Variants in EIF5 observed in about 807,000 individuals in gnomAD.
EIF5 encodes the protein eukaryotic translation initiation factor 5.
A neutral mutation model predicts 48.3 loss-of-function variants in EIF5; 10 were observed. The observed-to-expected ratio is 0.21, with a 90% CI of 0.13 to 0.35. EIF5 has a LOEUF of 0.35. EIF5 is among the 10% of genes least tolerant of loss of function. EIF5 has a pLI of 1.00. For missense variants in EIF5, 397 were observed against 533.2 expected, an observed-to-expected ratio of 0.74 and a Z score of 2.51; for synonymous variants, 237 against 173.1, an observed-to-expected ratio of 1.37 and a Z score of -2.90.
rs1030322883 is a variant in EIF5, at chr14:103,342,353, A to T, written c.*1301A>T. 2.6e-5 allele frequency: 4 copies of T among 152,190 alleles called. No individual in the cohort carries two copies. The highest frequency in any genetic ancestry group is 9.7e-5 in the African/African-American group (4 of 41,442). 9.4% of individuals were successfully genotyped at this position (152,190 alleles called of 1,614,324 possible). ...TTTAGATTTGGACACACAAGAGTTG[A>T]TAACTTCCTCATGAACTCCTTGCCT... On this transcript the variant is annotated 3_prime_UTR_variant, in exon 12 of 12. Transcript: ENST00000216554.
chr14:103,340,576 A>AGGAG lies in EIF5; in HGVS notation c.1206+18_1206+21dup, dbSNP rs2140362749. 4 of 1,605,834 alleles carry AGGAG rather than the reference A, an allele frequency of 2.5e-6. No individual in the cohort carries two copies. The East Asian group carries it at 9.0e-5, about 36-fold the overall frequency. On this transcript the variant is annotated intron_variant, in intron 11 of 11. Coordinates refer to ENST00000216554, the MANE Select transcript of EIF5 (RefSeq NM_001969.5). ...AGAACATTGAGGTAAACATTGGGGG[A>AGGAG]GGAGGGTATTGGATACAGTGCTGGC...
chr14:103,336,927 G>C (rs2089293770), intron 5 of EIF5, 78 bp downstream of exon 5: 1 of 1,490,558 alleles, frequency 6.7e-7, no homozygotes, highest in Non-Finnish European at 9.0e-7. Context: ...TTCCTGAGAA[G>C]GCAGAGCAAA....
intron 4 of EIF5, 138 bp from the exon 5 acceptor site, chr14:103,336,539 C>G: frequency 2.2e-6 from 2 of 908,272 alleles, no homozygotes; most frequent in African/African-American, 3.4e-5. Flanking sequence ...TGAGACCACG[C>G]CGTTGCACTC....
At position 103,334,271 on chromosome 14, in the gene EIF5, T is replaced by C. The variant is rs906345140; in HGVS notation, c.-418+11T>C. On this transcript the variant is annotated intron_variant, in intron 1 of 11. Coordinates refer to ENST00000216554, the MANE Select transcript of EIF5 (RefSeq NM_001969.5). Reference sequence around the variant, plus strand: ...GAGAACATTCCAGAGGTGAGTCCGGTGAAGGGGCGGCCCCCTGCCCGGTGC... The same window carrying C: ...GAGAACATTCCAGAGGTGAGTCCGGCGAAGGGGCGGCCCCCTGCCCGGTGC... The C allele has an allele frequency of 3.3e-5, 5 of 152,090 alleles. No homozygotes were observed. The highest frequency in any genetic ancestry group is 9.7e-5 in the African/African-American group (4 of 41,324). 9.4% of individuals were successfully genotyped at this position (152,090 alleles called of 1,614,324 possible). A position where few individuals can be genotyped will look rare whatever the true frequency, so the allele number is the denominator to read the frequency against.
chr14:103,336,679 C>A lies in EIF5; in HGVS notation c.157C>A (p.Pro53Thr). ...AAACTCCTTTTTCATTCAAATAGAT[C>A]CCACCAAATATTTTGGTTGTGAGCT... ...AKALNRPPTY[P>T]TKYFGCELGA... The change falls in exon 5 of 12, where the codon CCC becomes ACC. Residue 53 changes from proline (P) to threonine (T), a missense_variant and splice_region_variant. Physicochemically the swap from Pro to Thr is conservative, Grantham distance 38. This residue lies in a region of EIF5 where 108 missense variants were observed against 188.3 expected (regional missense o/e 0.57). Coordinates refer to ENST00000216554, the MANE Select transcript of EIF5 (RefSeq NM_001969.5). The A allele has an allele frequency of 1.2e-6, 2 of 1,605,748 alleles. No individual in the cohort carries two copies. The highest frequency in any genetic ancestry group is 1.3e-5 in the African/African-American group (1 of 74,430).
Position 103,337,465 on chromosome 14 carries a change from G to A in EIF5, c.439+238G>A, listed in dbSNP as rs116140612. The stretch of plus-strand genomic sequence containing the variant: ...AAAAACACAAAAACTAGCTTAGCAT[G>A]GTGGTGTGCTCCTGTAATCCCAGCT... On this transcript the variant is annotated intron_variant, in intron 6 of 11. Transcript: ENST00000216554. 3,306 of 490,846 alleles carry A rather than the reference G, an allele frequency of 6.7e-3. 91 individuals carry two copies. The highest frequency in any genetic ancestry group is 0.059 in the African/African-American group (3,002 of 50,858). The allele number at this position is 490,846 out of a possible 1,614,324, so 30.4% of individuals were successfully genotyped here.
Position 103,343,135 on chromosome 14 carries a change from A to T in EIF5, c.*2083A>T, listed in dbSNP as rs1311880508. 6.6e-6 allele frequency: 1 copy of T among 152,654 alleles called. No individual in the cohort carries two copies. The highest frequency in any genetic ancestry group is 2.4e-5 in the African/African-American group (1 of 41,460). The allele number at this position is 152,654 out of a possible 1,614,324, so 9.5% of individuals were successfully genotyped here. ...AACTGTCTTAAGGATTTGTTTAAAC[A>T]GCTAAGTTACTTGATTAAAATAATG... On this transcript the variant is annotated 3_prime_UTR_variant, in exon 12 of 12. Transcript: ENST00000216554.
chr14:103,336,179 G>A (rs1390542243), intron 4 of EIF5, 62 bp downstream of exon 4: 39 of 1,503,898 alleles, frequency 2.6e-5, no homozygotes, highest in Non-Finnish European at 3.5e-5. Flanking sequence ...AAGTCTTTGA[G>A]CTGCAAAACT....
Position 103,339,353 on chromosome 14 carries a change from T to C in EIF5, c.906+20T>C, listed in dbSNP as rs1156770771. 5 of 1,577,612 alleles carry C rather than the reference T, an allele frequency of 3.2e-6. No individual in the cohort carries two copies. Among genetic ancestry groups the C allele is most frequent in the Non-Finnish European group, 4.3e-6 (5 of 1,167,940 alleles). On this transcript the variant is annotated intron_variant, in intron 9 of 11. Transcript: ENST00000216554. Reference sequence around the variant, plus strand: ...CTACGAGTAAGCAAAGTGCTCTGGATTCATAAATGAGATTACAGTTGTGTG... The same window carrying C: ...CTACGAGTAAGCAAAGTGCTCTGGACTCATAAATGAGATTACAGTTGTGTG...
In EIF5 at chr14:103,336,868, G is replaced by C; in HGVS notation, c.327+19G>C. On this transcript the variant is annotated intron_variant, in intron 5 of 11. Transcript: ENST00000216554. ...AGATTTGGTAAGTGCTTTTGTGGTT[G>C]TCGAAAGAAAAAGCCATATACCTGC... 6.2e-7 allele frequency: 1 copy of C among 1,601,480 alleles called. No homozygotes were observed. The highest frequency in any genetic ancestry group is 8.5e-7 in the Non-Finnish European group (1 of 1,174,910).
chr14:103,335,072 G>C (rs1053854351), intron 2 of EIF5: 1 of 152,298 alleles, frequency 6.6e-6, no homozygotes, highest in African/African-American at 2.4e-5. Flanking sequence ...GGTTAACCGA[G>C]TATTTGAATA....
chr14:103,335,004 G>C (rs562348995), intron 2 of EIF5: 1 of 152,242 alleles, frequency 6.6e-6, no homozygotes, highest in East Asian at 1.9e-4. Flanking sequence ...GAGCTGCCCG[G>C]TTCGCCAGCC....
chr14:103,338,581 A>G, intron 7 of EIF5, 109 bp downstream of exon 7: 3 of 1,490,954 alleles, frequency 2.0e-6, no homozygotes, highest in Non-Finnish European at 1.8e-6. Context: ...GTAATACACT[A>G]ATATTGTGGA....
Position 103,336,659 on chromosome 14 carries a change from C to T in EIF5, c.155-18C>T, listed in dbSNP as rs1219134846. ...CTAGTTAACTGTAACGATCCAAACT[C>T]CTTTTTCATTCAAATAGATCCCACC... is the stretch of plus-strand genomic sequence containing the variant. On this transcript the variant is annotated intron_variant, in intron 4 of 11. Coordinates refer to ENST00000216554, the MANE Select transcript of EIF5 (RefSeq NM_001969.5). The T allele has an allele frequency of 3.8e-6, 6 of 1,594,468 alleles. No homozygotes were observed. Among genetic ancestry groups the T allele is most frequent in the South Asian group, 1.1e-5 (1 of 88,054 alleles).
intron 6 of EIF5, chr14:103,338,065 G>A: frequency 1.7e-6 from 1 of 588,296 alleles, no homozygotes. Flanking sequence ...CCTAGTGGAG[G>A]CATCATCACT....
intron 9 of EIF5, 27 bp downstream of exon 9, chr14:103,339,360 ATG>A: frequency 6.3e-7 from 1 of 1,575,154 alleles, no homozygotes; most frequent in Non-Finnish European, 8.6e-7. Flanking sequence ...GGATTCATAA[ATG>A]AGATTACAGT....
At chr14:103,338,696 T>C (rs765590186) in intron 7 of EIF5, 39 bp from the exon 8 acceptor site, 2 of 1,593,652 alleles carry the variant, frequency 1.3e-6, no homozygotes, top group African/African-American at 2.7e-5. Context: ...GTTGTTGTTT[T>C]TAAGGCCTTT....
Position 103,336,114 on chromosome 14 carries a change from A to G in EIF5, c.151A>G (p.Thr51Ala), listed in dbSNP as rs745702345. The change falls in exon 4 of 12, where the codon ACG becomes GCG. Residue 51 changes from threonine to alanine, a missense_variant. Around this residue, in one of 4 missense-constraint regions of EIF5, gnomAD observed 108 missense variants for 188.3 expected, o/e 0.57. Coordinates refer to ENST00000216554, the MANE Select transcript of EIF5 (RefSeq NM_001969.5). Reference protein sequence around the residue: ...DVAKALNRPPTYPTKYFGCEL... With the variant: ...DVAKALNRPPAYPTKYFGCEL... ...TGCAAAGGCGCTTAATCGGCCTCCA[A>G]CGTGTAAGTAAAGCTTGGAAAAGTC... The G allele has an allele frequency of 6.8e-6, 11 of 1,614,010 alleles. No individual in the cohort carries two copies. The East Asian group carries it at 1.3e-4, about 20-fold the overall frequency.
At chr14:103,339,561 A>G in intron 9 of EIF5, 78 bp from the exon 10 acceptor site, 3 of 1,596,904 alleles carry the variant, frequency 1.9e-6, no homozygotes, top group Non-Finnish European at 2.6e-6. Flanking sequence ...GCACTTGCAG[A>G]CACTCTTATT....
Sources: gnomAD v4.1 joint callset for allele counts on GRCh38, gnomAD v4.1.1 for gene constraint, gnomAD v4.1.1 regional missense constraint, MANE v1.5 for transcripts, NCBI Gene and HGNC (gene_info 2026-07-23, HGNC 2026-07-21) for gene names.